Variants in ANKRD31 observed in about 807,000 individuals in gnomAD.
The protein encoded by ANKRD31 is ankyrin repeat domain-containing protein 31.
In ANKRD31, 147 loss-of-function variants were observed where a neutral mutation model predicts 186.0. The ratio of observed to expected loss-of-function variants is 0.79; its 90% CI spans 0.69 to 0.91. The LOEUF (loss-of-function observed/expected upper bound fraction) is 0.91. ANKRD31 is among the 40% of genes least tolerant of loss of function. The pLI, the probability that ANKRD31 is intolerant of heterozygous loss-of-function variation, is 0.00. For synonymous variants in ANKRD31, 673 were observed against 736.4 expected, an observed-to-expected ratio of 0.91 and a Z score of 1.39; for missense variants, 1,986 against 2,148.8, an observed-to-expected ratio of 0.92 and a Z score of 1.50.
chr5:75,085,975 G>T (rs181822529), intron 23 of ANKRD31, among the ~76,000 whole-genome samples: 1 of 152,238 alleles, frequency 6.6e-6, no homozygotes, highest in Admixed American at 6.5e-5. Context: ...AACAGACCTG[G>T]CCTACTCAAT....
At chr5:75,164,343 A>G (rs1752776831) in intron 11 of ANKRD31, among the ~76,000 whole-genome samples, 1 of 152,228 alleles carries the variant, frequency 6.6e-6, no homozygotes, top group South Asian at 2.1e-4. Context: ...ATACTGCAAC[A>G]TGATAAATGT....
In ANKRD31 at chr5:75,215,149, T is replaced by G. The variant is rs187963337; in HGVS notation, c.289-4284A>C. ...GGAAATCATCCGGGAGAGCTAATGG[T>G]GCTGATAAAATCTAAAGACAGTCTG... On this transcript the variant is annotated intron_variant, in intron 3 of 25. Transcript: ENST00000506364. Among the ~76,000 whole-genome samples the G allele has an allele frequency of 4.2e-3, 639 of 152,220 alleles. 5 individuals carry two copies. Among genetic ancestry groups the G allele is most frequent in the Non-Finnish European group, 5.6e-3 (381 of 68,010 alleles).
At chr5:75,098,696 G>T (rs1746543518) in intron 22 of ANKRD31, among the ~76,000 whole-genome samples, 1 of 152,168 alleles carries the variant, frequency 6.6e-6, no homozygotes, top group African/African-American at 2.4e-5. Flanking sequence ...GGAAGCAATT[G>T]TGAATGGGAG....
chr5:75,070,202 A>G (rs1053006205), intron 25 of ANKRD31, among the ~76,000 whole-genome samples: 1 of 152,224 alleles, frequency 6.6e-6, no homozygotes, highest in African/African-American at 2.4e-5. Flanking sequence ...TCCGGAAACA[A>G]GGTATCTCAT....
intron 17 of ANKRD31, among the ~76,000 whole-genome samples, chr5:75,134,862 C>T (rs759933216): frequency 1.3e-5 from 2 of 152,078 alleles, no homozygotes; most frequent in Non-Finnish European, 2.9e-5. Context: ...GCTGGTTCAA[C>T]ATATGCAAAT....
intron 11 of ANKRD31, 29 bp from the exon 12 acceptor site, chr5:75,154,374 C>T (rs1436537720): frequency 6.6e-7 from 1 of 1,515,012 alleles, no homozygotes; most frequent in African/African-American, 1.4e-5. Flanking sequence ...TGTAAGGGAA[C>T]CCAGATTGAG....
At position 75,147,241 on chromosome 5, in the gene ANKRD31, C is replaced by A. The variant is rs1469763279; in HGVS notation, c.2170G>T (p.Val724Leu). ...TTTCTTCTTCCTATACCTTTTGGTA[C>A]GTTTGTGTTGGGATCTTTGACGTTA... The part of the protein sequence containing the change: ...LHNVKDPNTN[V>L]PKGIGRRKTQ... Residue 724 changes from valine (V) to leucine (L), a missense_variant, in exon 14 of 26, where the codon GTA (valine) becomes TTA (leucine). By Grantham distance (32) the Val-to-Leu change is conservative (BLOSUM62 1). Coordinates refer to ENST00000506364, the MANE Select transcript of ANKRD31 (RefSeq NM_001372053.1). The A allele has an allele frequency of 3.9e-6, 6 of 1,535,998 alleles. No individual in the cohort carries two copies. In the African/African-American group the frequency reaches 8.2e-5, roughly 21 times the overall value.
rs1040664582 is a variant in ANKRD31 at position 75,170,713 on chromosome 5, C to T, written c.1565-1592G>A. 3.3e-5 allele frequency among the ~76,000 whole-genome samples: 5 copies of T among 152,022 alleles called. No homozygotes were observed. The South Asian group carries it at 6.2e-4, about 19-fold the overall frequency. ...TGTCTACTGTTCCCTTCTTAAGAAA[C>T]ATGCTTTAAATATAAAGACACAGAT... On this transcript the variant is annotated intron_variant, in intron 10 of 25. Coordinates refer to ENST00000506364, the MANE Select transcript of ANKRD31 (RefSeq NM_001372053.1).
intron 6 of ANKRD31, among the ~76,000 whole-genome samples, chr5:75,198,759 A>T (rs983307213): frequency 6.6e-6 from 1 of 152,188 alleles, no homozygotes; most frequent in African/African-American, 2.4e-5. Context: ...AGAATGGAGG[A>T]ACACACATTT....
chr5:75,209,809 C>G (rs184605143), intron 4 of ANKRD31, among the ~76,000 whole-genome samples: 12 of 152,198 alleles, frequency 7.9e-5, no homozygotes, highest in Non-Finnish European at 1.5e-4. Flanking sequence ...ATTTTCCTGC[C>G]TTATCAAACA....
intron 19 of ANKRD31, among the ~76,000 whole-genome samples, chr5:75,114,058 CTA>C (rs1284549274): frequency 6.6e-6 from 1 of 152,110 alleles, no homozygotes; most frequent in Non-Finnish European, 1.5e-5. Flanking sequence ...GATTTTGTGT[CTA>C]GTTAAGCTTT....
At chr5:75,148,734 G>C in intron 12 of ANKRD31, 106 bp from the exon 13 acceptor site, 2 of 680,340 alleles carry the variant, frequency 2.9e-6, no homozygotes, top group South Asian at 2.5e-5. Flanking sequence ...TGGAATAAGT[G>C]AAATTATGCA....
At chr5:75,235,367 A>T (rs1176961908) in intron 1 of ANKRD31, among the ~76,000 whole-genome samples, 2 of 151,748 alleles carry the variant, frequency 1.3e-5, no homozygotes, top group Non-Finnish European at 2.9e-5. Flanking sequence ...CTCCGAATGA[A>T]TATTTTTTAA....
intron 22 of ANKRD31, among the ~76,000 whole-genome samples, chr5:75,096,832 G>A (rs1010301821): frequency 1.6e-4 from 20 of 126,156 alleles, no homozygotes; most frequent in South Asian, 5.8e-4. Flanking sequence ...CCCATGACAG[G>A]CCCCAGTGTG....
intron 25 of ANKRD31, among the ~76,000 whole-genome samples, chr5:75,075,470 A>G (rs1744560145): frequency 6.6e-6 from 1 of 152,248 alleles, no homozygotes; most frequent in Admixed American, 6.5e-5. Context: ...AAATAACCTA[A>G]GAAGTTAGGA....
At position 75,131,998 on chromosome 5, in the gene ANKRD31, AC is replaced by A. The variant is rs941711885; in HGVS notation, c.3876+5857del. ...AAACAGCAAGGACATCCACACCAAA[AC>A]CCCATCTGCATGTCACCATCATCAA... On this transcript the variant is annotated intron_variant, in intron 17 of 25. Coordinates refer to ENST00000506364, the MANE Select transcript of ANKRD31 (RefSeq NM_001372053.1). Among the ~76,000 whole-genome samples, 4 of 152,328 alleles carry A rather than the reference AC, an allele frequency of 2.6e-5. No individual in the cohort carries two copies. The East Asian group carries it at 7.7e-4, about 29-fold the overall frequency.
intron 6 of ANKRD31, among the ~76,000 whole-genome samples, chr5:75,197,532 T>C (rs1326936372): frequency 2.0e-5 from 3 of 152,176 alleles, no homozygotes; most frequent in Non-Finnish European, 4.4e-5. Context: ...TTTGTATATA[T>C]TAATAGCATA....
chr5:75,227,527 T>C (rs143169588), intron 2 of ANKRD31, among the ~76,000 whole-genome samples: 1,856 of 152,070 alleles, frequency 0.012, 21 homozygotes, highest in Middle Eastern at 0.054. Context: ...CCCATAAATA[T>C]ATACACCTAC....
At chr5:75,160,428 C>T (rs887676809) in intron 11 of ANKRD31, among the ~76,000 whole-genome samples, 3 of 151,924 alleles carry the variant, frequency 2.0e-5, no homozygotes, top group African/African-American at 7.3e-5. Flanking sequence ...GGGAAAAACA[C>T]AAAAAGATGA....
Sources: gnomAD v4.1 joint callset for allele counts (sites outside exome capture counted in the v4.1 genomes callset) on GRCh38, gnomAD v4.1.1 for gene constraint, MANE v1.5 for transcripts, NCBI Gene and HGNC (gene_info 2026-07-23, HGNC 2026-07-21) for gene names.